Variants in DCUN1D3 observed in about 807,000 individuals in gnomAD.
The protein encoded by DCUN1D3 is defective in cullin neddylation 1 domain containing 3.
Under a neutral mutation model 24.8 loss-of-function variants are expected in DCUN1D3, and 6 were observed. The ratio of observed to expected loss-of-function variants is 0.24; its 90% CI spans 0.13 to 0.48. The LOEUF (loss-of-function observed/expected upper bound fraction) is 0.48, where lower values mean the gene tolerates loss of function less well. Among genes scored for constraint, DCUN1D3 ranks in the 20% least tolerant of loss-of-function variants. The pLI is 0.99. For synonymous variants in DCUN1D3, 120 were observed against 144.9 expected (o/e 0.83, Z 1.24); for missense variants, 258 against 379.4 (o/e 0.68, Z 2.66).
chr16:20,899,596 T>C (rs1352553906), intron 1 of DCUN1D3, among the ~76,000 whole-genome samples: 1 of 150,994 alleles, frequency 6.6e-6, no homozygotes, highest in Non-Finnish European at 1.5e-5. Context: ...ACCAGGGGTG[T>C]GCATGGGGGA....
intron 1 of DCUN1D3, among the ~76,000 whole-genome samples, chr16:20,893,767 T>C (rs1255153283): frequency 1.3e-5 from 2 of 152,232 alleles, no homozygotes; most frequent in Non-Finnish European, 2.9e-5. Context: ...GACTTTTTCC[T>C]GCTTCTCCTA....
intron 1 of DCUN1D3, among the ~76,000 whole-genome samples, chr16:20,894,411 C>A (rs776744246): frequency 6.6e-6 from 1 of 152,194 alleles, no homozygotes; most frequent in Admixed American, 6.5e-5. Context: ...CCACACTATA[C>A]ACTGCTGCTA....
chr16:20,891,730 A>G (rs1027489464), intron 1 of DCUN1D3, among the ~76,000 whole-genome samples: 5 of 152,222 alleles, frequency 3.3e-5, no homozygotes, highest in African/African-American at 1.2e-4. Context: ...CAATTTGGCC[A>G]AACCAGCCAC....
intron 1 of DCUN1D3, among the ~76,000 whole-genome samples, chr16:20,881,878 C>T (rs1035169436): frequency 2.0e-5 from 3 of 152,204 alleles, no homozygotes; most frequent in African/African-American, 7.2e-5. Flanking sequence ...TTTTGGCTCA[C>T]TGCAACCTCC....
At chr16:20,882,232 C>G (rs2152518063) in intron 1 of DCUN1D3, among the ~76,000 whole-genome samples, 1 of 150,982 alleles carries the variant, frequency 6.6e-6, no homozygotes, top group South Asian at 2.1e-4. Context: ...CCCCTGAGCA[C>G]CTTCATTTAT....
intron 1 of DCUN1D3, among the ~76,000 whole-genome samples, chr16:20,882,014 G>T (rs2081846414): frequency 6.6e-6 from 1 of 151,908 alleles, no homozygotes; most frequent in Non-Finnish European, 1.5e-5. Flanking sequence ...TGTTGGTCAG[G>T]CTGGTCTCAA....
At position 20,862,639 on chromosome 16, in the gene DCUN1D3, C is replaced by A. The variant is rs1211244687; in HGVS notation, c.-101G>T. On this transcript the variant is annotated 5_prime_UTR_variant, in exon 2 of 3. Coordinates refer to ENST00000324344, the MANE Select transcript of DCUN1D3 (RefSeq NM_173475.4). ...ACATGCCATCAGCCAGAGGAGCCAG[C>A]CAACCTGGAAGGAAATTAGAAAGCC... is the stretch of plus-strand genomic sequence containing the variant. 23 of 1,516,244 alleles carry A rather than the reference C, an allele frequency of 1.5e-5. No individual in the cohort carries two copies. Among genetic ancestry groups the A allele is most frequent in the Non-Finnish European group, 1.9e-5 (22 of 1,143,216 alleles). The allele number at this position is 1,516,244 out of a possible 1,614,324, so 93.9% of individuals were successfully genotyped here.
intron 1 of DCUN1D3, among the ~76,000 whole-genome samples, chr16:20,899,531 G>C: frequency 6.6e-6 from 1 of 151,938 alleles, no homozygotes; most frequent in East Asian, 1.9e-4. Context: ...AAGGAGGAAA[G>C]GGGAAGAAAA....
At chr16:20,896,391 G>T (rs1457646010) in intron 1 of DCUN1D3, 1 of 152,148 alleles carries the variant, frequency 6.6e-6, no homozygotes, top group Non-Finnish European at 1.5e-5. Context: ...CCTGCAAAGT[G>T]TAAGAAATAA....
At chr16:20,894,136 T>C (rs563665157) in intron 1 of DCUN1D3, among the ~76,000 whole-genome samples, 38 of 152,190 alleles carry the variant, frequency 2.5e-4, no homozygotes, top group South Asian at 1.9e-3. Flanking sequence ...TGCATGGTGG[T>C]GCAGGCCTGT....
intron 1 of DCUN1D3, among the ~76,000 whole-genome samples, chr16:20,891,402 C>A (rs890229559): frequency 6.6e-6 from 1 of 152,208 alleles, no homozygotes; most frequent in Non-Finnish European, 1.5e-5. Context: ...TGTTAAATGT[C>A]AAGAGCCACT....
chr16:20,872,447 T>C (rs2081793223), intron 1 of DCUN1D3, among the ~76,000 whole-genome samples: 3 of 148,922 alleles, frequency 2.0e-5, no homozygotes, highest in African/African-American at 7.4e-5. Flanking sequence ...TGGTAACCAA[T>C]CAACCTCTTA....
chr16:20,872,308 C>G (rs985781731), intron 1 of DCUN1D3, among the ~76,000 whole-genome samples: 12 of 152,082 alleles, frequency 7.9e-5, no homozygotes, highest in Non-Finnish European at 1.3e-4. Context: ...CCAAAGACGA[C>G]GAAGGAACAC....
chr16:20,862,606 G>A lies in DCUN1D3; in HGVS notation c.-68C>T, dbSNP rs997626697. 5.9e-6 allele frequency: 9 copies of A among 1,533,290 alleles called. No individual in the cohort carries two copies. Among genetic ancestry groups the A allele is most frequent in the African/African-American group, 4.1e-5 (3 of 72,652 alleles). The allele number at this position is 1,533,290 out of a possible 1,614,324, so 95.0% of individuals were successfully genotyped here. On this transcript the variant is annotated 5_prime_UTR_variant, in exon 2 of 3. Coordinates refer to ENST00000324344, the MANE Select transcript of DCUN1D3 (RefSeq NM_173475.4). ...GATGCCCTCGCTGCCGCTGGCCCAT[G>A]TACCTCAACATGCCATCAGCCAGAG...
chr16:20,882,199 C>T (rs2081847435), intron 1 of DCUN1D3, among the ~76,000 whole-genome samples: 1 of 152,002 alleles, frequency 6.6e-6, no homozygotes, highest in Non-Finnish European at 1.5e-5. Flanking sequence ...CACAGGACTC[C>T]TTCCTGACTG....
At chr16:20,882,002 C>T (rs1189342251) in intron 1 of DCUN1D3, among the ~76,000 whole-genome samples, 1 of 151,952 alleles carries the variant, frequency 6.6e-6, no homozygotes, top group Non-Finnish European at 1.5e-5. Flanking sequence ...GGGGTTTTGC[C>T]GTGTTGGTCA....
At chr16:20,872,992 T>G (rs545974002) in intron 1 of DCUN1D3, among the ~76,000 whole-genome samples, 3 of 152,262 alleles carry the variant, frequency 2.0e-5, no homozygotes, top group South Asian at 4.1e-4. Context: ...GGCACATGCC[T>G]GTAATCCCAG....
At chr16:20,862,690 G>A in intron 1 of DCUN1D3, 47 bp from the exon 2 acceptor site, 1 of 1,480,276 alleles carries the variant, frequency 6.8e-7, no homozygotes, top group Middle Eastern at 2.1e-4. Context: ...GGGAAATGGG[G>A]TATGGACCCT....
Position 20,857,218 on chromosome 16 carries a change from T to C in DCUN1D3, c.*2668A>G, listed in dbSNP as rs1436829217. Reference sequence around the variant, plus strand: ...TTTGCTGAGCATCAAGTACTCAAACTTGAAAGGAACTTGTAAGTCCCTCCC... The same window carrying C: ...TTTGCTGAGCATCAAGTACTCAAACCTGAAAGGAACTTGTAAGTCCCTCCC... On this transcript the variant is annotated 3_prime_UTR_variant, in exon 3 of 3. Transcript: ENST00000324344. The C allele has an allele frequency of 2.6e-5, 4 of 152,202 alleles. No individual in the cohort carries two copies. Among genetic ancestry groups the C allele is most frequent in the Non-Finnish European group, 5.9e-5 (4 of 68,028 alleles). 9.4% of individuals were successfully genotyped at this position (152,202 alleles called of 1,614,324 possible). A position where few individuals can be genotyped will look rare whatever the true frequency, so the allele number is the denominator to read the frequency against.
Sources: gnomAD v4.1 joint callset for allele counts (sites outside exome capture counted in the v4.1 genomes callset) on GRCh38, gnomAD v4.1.1 for gene constraint, MANE v1.5 for transcripts, NCBI Gene and HGNC (gene_info 2026-07-23, HGNC 2026-07-21) for gene names.